GPC3: variants seen among roughly 807,000 people sequenced by gnomAD.
The protein encoded by GPC3 is glypican 3, also known as glypican-3.
In GPC3, 3 loss-of-function variants were observed where a neutral mutation model predicts 34.4. That is an observed-to-expected ratio of 0.09 (90% CI 0.04 to 0.23). GPC3 has a LOEUF of 0.23. Among genes scored for constraint, GPC3 ranks in the 10% least tolerant of loss-of-function variants. GPC3 has a pLI of 1.00. For missense variants in GPC3, 351 were observed against 445.6 expected, an observed-to-expected ratio of 0.79 and a Z score of 1.91; for synonymous variants, 177 against 174.0, an observed-to-expected ratio of 1.02 and a Z score of -0.13.
At chrX:133,654,206 G>T (rs1342878592) in intron 6 of GPC3, among the ~76,000 whole-genome samples, 1 of 110,858 alleles carries the variant, frequency 9.0e-6, no homozygotes, top group Non-Finnish European at 1.9e-5. Context: ...ATTGTGTTAG[G>T]TGCCATGGGA....
At chrX:133,910,319 T>C (rs1389118662) in intron 2 of GPC3, among the ~76,000 whole-genome samples, 1 of 111,228 alleles carries the variant, frequency 9.0e-6, no homozygotes, top group African/African-American at 3.3e-5. Context: ...AGCACCCCCA[T>C]ATCAAAACAG....
At chrX:133,846,308 A>G in intron 2 of GPC3, among the ~76,000 whole-genome samples, 1 of 112,056 alleles carries the variant, frequency 8.9e-6, no homozygotes, top group Non-Finnish European at 1.9e-5. Context: ...ACACATATGG[A>G]AATAATCCTC....
At chrX:133,849,378 C>T (rs778195683) in intron 2 of GPC3, among the ~76,000 whole-genome samples, 26 of 111,134 alleles carry the variant, frequency 2.3e-4, no homozygotes, top group Non-Finnish European at 4.5e-4. Context: ...ACTTCCTGAT[C>T]GATTCTAGTA....
intron 1 of GPC3, among the ~76,000 whole-genome samples, chrX:133,962,726 G>A (rs2076447140): frequency 1.8e-5 from 2 of 111,511 alleles, no homozygotes; most frequent in Non-Finnish European, 3.8e-5. Context: ...CTGAGACCCT[G>A]TCTTTCAGAA....
At chrX:133,674,773 G>A (rs1160429161) in intron 5 of GPC3, among the ~76,000 whole-genome samples, 1 of 111,407 alleles carries the variant, frequency 9.0e-6, no homozygotes, top group African/African-American at 3.3e-5. Flanking sequence ...CTTCCACTTT[G>A]GATACTGTCA....
intron 2 of GPC3, among the ~76,000 whole-genome samples, chrX:133,788,114 A>G (rs1192785017): frequency 1.1e-5 from 1 of 87,665 alleles, no homozygotes; most frequent in Non-Finnish European, 2.1e-5. Context: ...ATATATATAT[A>G]TATATATATG....
At chrX:133,578,627 C>T (rs1297561442) in intron 7 of GPC3, among the ~76,000 whole-genome samples, 2 of 112,082 alleles carry the variant, frequency 1.8e-5, no homozygotes, top group Non-Finnish European at 3.8e-5. Context: ...TGAAGTGAGC[C>T]GTGATTGTGC....
At chrX:133,966,729 C>T (rs1309562862) in intron 1 of GPC3, among the ~76,000 whole-genome samples, 1 of 112,147 alleles carries the variant, frequency 8.9e-6, no homozygotes, top group Non-Finnish European at 1.9e-5. Flanking sequence ...TTCCTTTTTC[C>T]CATTCTTCAG....
At chrX:133,869,312 GAAGAACACA>G (rs1238597768) in intron 2 of GPC3, among the ~76,000 whole-genome samples, 1 of 112,012 alleles carries the variant, frequency 8.9e-6, no homozygotes, top group Non-Finnish European at 1.9e-5. Flanking sequence ...TGGCGCCTAG[GAAGAACACA>G]GGGGTTTTGG....
At chrX:133,893,067 C>A (rs2076095264) in intron 2 of GPC3, among the ~76,000 whole-genome samples, 1 of 110,953 alleles carries the variant, frequency 9.0e-6, no homozygotes, top group Non-Finnish European at 1.9e-5. Flanking sequence ...ACCAGCCTGG[C>A]CAACATGGTG....
chrX:133,717,416 C>T (rs776417852), intron 3 of GPC3, among the ~76,000 whole-genome samples: 1 of 111,276 alleles, frequency 9.0e-6, no homozygotes, highest in African/African-American at 3.3e-5. Flanking sequence ...GCAGACAGCC[C>T]GGTACCACAC....
At chrX:133,909,156 G>A (rs2076184495) in intron 2 of GPC3, among the ~76,000 whole-genome samples, 1 of 112,173 alleles carries the variant, frequency 8.9e-6, no homozygotes, top group African/African-American at 3.2e-5. Flanking sequence ...TTAAATAAAC[G>A]AATATTTGGG....
In GPC3 at chrX:133,616,418, G is replaced by A. The variant is rs888197375; in HGVS notation, c.1414-19819C>T. On this transcript the variant is annotated intron_variant, in intron 6 of 7. Coordinates refer to ENST00000370818, the MANE Select transcript of GPC3 (RefSeq NM_004484.4). ...GACGCCCTATATCCATGGATTAGAA[G>A]CCTCAGTAGTATGATGGAAACACTC... 9.9e-5 allele frequency among the ~76,000 whole-genome samples: 11 copies of A among 111,626 alleles called. No individual in the cohort carries two copies. In the Admixed American group the frequency reaches 1.1e-3, roughly 11 times the overall value.
intron 3 of GPC3, among the ~76,000 whole-genome samples, chrX:133,709,286 T>G (rs1333042709): frequency 9.0e-6 from 1 of 111,722 alleles, no homozygotes; most frequent in Non-Finnish European, 1.9e-5. Flanking sequence ...AAACTTCCTT[T>G]GGGAGTTATG....
At chrX:133,790,906 C>T (rs1339318848) in intron 2 of GPC3, among the ~76,000 whole-genome samples, 1 of 111,598 alleles carries the variant, frequency 9.0e-6, no homozygotes, top group African/African-American at 3.3e-5. Flanking sequence ...CTACTCAAAG[C>T]TGGGGGAGCC....
At chrX:133,723,629 C>T (rs2124457416) in intron 3 of GPC3, among the ~76,000 whole-genome samples, 1 of 110,794 alleles carries the variant, frequency 9.0e-6, no homozygotes, top group South Asian at 3.9e-4. Context: ...GTTCTGAGTT[C>T]ATGCAAGATC....
chrX:133,654,821 T>G (rs1471219834), intron 6 of GPC3, among the ~76,000 whole-genome samples: 1 of 112,456 alleles, frequency 8.9e-6, no homozygotes, highest in Non-Finnish European at 1.9e-5. Flanking sequence ...AATGTATTTC[T>G]AAACTTCATA....
chrX:133,683,509 A>G (rs1012038152), intron 5 of GPC3, among the ~76,000 whole-genome samples: 3 of 111,930 alleles, frequency 2.7e-5, no homozygotes, highest in African/African-American at 9.8e-5. Flanking sequence ...GAGGCCCCCA[A>G]ATGCTCTTTG....
At chrX:133,913,318 C>A (rs915228475) in intron 2 of GPC3, among the ~76,000 whole-genome samples, 1 of 112,104 alleles carries the variant, frequency 8.9e-6, no homozygotes, top group Non-Finnish European at 1.9e-5. Flanking sequence ...GGAAGAGAAA[C>A]ATCCATGGAG....
Sources: allele counts gnomAD v4.1 joint callset (sites outside exome capture counted in the v4.1 genomes callset), GRCh38; gene constraint gnomAD v4.1.1; transcripts MANE v1.5; gene names NCBI Gene and HGNC (gene_info 2026-07-23, HGNC 2026-07-21).